AK9: variants seen among roughly 807,000 people sequenced by gnomAD.
The protein encoded by AK9 is adenylate kinase 9, also known as adenylate kinase domain containing 1.
A neutral mutation model predicts 239.6 loss-of-function variants in AK9; 191 were observed. The ratio of observed to expected loss-of-function variants is 0.80; its 90% CI spans 0.71 to 0.90. AK9 has a LOEUF of 0.90. AK9 is among the 40% of genes least tolerant of loss of function. AK9 has a pLI of 0.00. For missense variants in AK9, 1,995 were observed against 2,214.7 expected (o/e 0.90, Z 1.99); for synonymous variants, 689 against 721.0 (o/e 0.96, Z 0.71).
At chr6:109,541,235 G>C (rs866624370) in intron 27 of AK9, among the ~76,000 whole-genome samples, 1 of 152,098 alleles carries the variant, frequency 6.6e-6, no homozygotes, top group Non-Finnish European at 1.5e-5. Context: ...AAAAAATAGA[G>C]AAAGGCCTTA....
chr6:109,601,221 T>C (rs1791907066), intron 17 of AK9, among the ~76,000 whole-genome samples: 1 of 152,236 alleles, frequency 6.6e-6, no homozygotes, highest in African/African-American at 2.4e-5. Context: ...TTTAGTGCTA[T>C]AAATTTCCCT....
intron 12 of AK9, 174 bp downstream of exon 12, chr6:109,632,749 A>G: frequency 3.8e-6 from 5 of 1,328,710 alleles, no homozygotes; most frequent in Non-Finnish European, 4.8e-6. Context: ...AAGAATGCCT[A>G]CCCTACCCCA....
rs60869272 is a variant in AK9, at chr6:109,572,812, C to T, written c.2344+630G>A. On this transcript the variant is annotated intron_variant, in intron 21 of 40. Transcript: ENST00000424296. The stretch of plus-strand genomic sequence containing the variant: ...TCTGCTTGAAAGCATTTGCAAGCCT[C>T]ATTCCCACCACAGGTGGGTACCCTA... Among the ~76,000 whole-genome samples the T allele has an allele frequency of 7.9e-3, 1,203 of 152,222 alleles. 25 individuals carry two copies. The highest frequency in any genetic ancestry group is 0.026 in the African/African-American group (1,067 of 41,534).
chr6:109,499,327 C>T (rs1482710824), intron 35 of AK9, 87 bp from the exon 36 acceptor site: 5 of 1,011,312 alleles, frequency 4.9e-6, no homozygotes, highest in African/African-American at 1.7e-5. Context: ...TTTAATTACA[C>T]AGCACTATAC....
At chr6:109,667,290 C>A (rs1252226977) in intron 5 of AK9, among the ~76,000 whole-genome samples, 1 of 125,416 alleles carries the variant, frequency 8.0e-6, no homozygotes, top group Non-Finnish European at 1.7e-5. Flanking sequence ...ACCCAGCCCC[C>A]CACTCAAGTT....
At chr6:109,540,318 C>A (rs1022525564) in intron 27 of AK9, among the ~76,000 whole-genome samples, 1 of 152,216 alleles carries the variant, frequency 6.6e-6, no homozygotes, top group Admixed American at 6.5e-5. Flanking sequence ...GCCCCTCCCC[C>A]AGCCTCGCTG....
chr6:109,657,803 A>T (rs951799769), intron 7 of AK9, among the ~76,000 whole-genome samples: 1 of 152,060 alleles, frequency 6.6e-6, no homozygotes, highest in Non-Finnish European at 1.5e-5. Context: ...TGTGCCACAC[A>T]AGTTTCTAGA....
chr6:109,589,987 T>C lies in AK9; in HGVS notation c.1843-3915A>G, dbSNP rs556195719. 3.9e-4 allele frequency among the ~76,000 whole-genome samples: 60 copies of C among 152,322 alleles called. 2 individuals are homozygous for C. In the South Asian group the frequency reaches 0.011, roughly 27 times the overall value. On this transcript the variant is annotated intron_variant, in intron 17 of 40. Coordinates refer to ENST00000424296, the MANE Select transcript of AK9 (RefSeq NM_001145128.3). ...GTTTGCTAGTATTTTTTTGAGGACA[T>C]CTGCATCTATGTTCATCAGGAATAA...
At chr6:109,556,042 C>T (rs1302658924) in intron 24 of AK9, among the ~76,000 whole-genome samples, 1 of 152,134 alleles carries the variant, frequency 6.6e-6, no homozygotes, top group Non-Finnish European at 1.5e-5. Context: ...GACTCTGATC[C>T]TGTCATCATG....
intron 35 of AK9, among the ~76,000 whole-genome samples, chr6:109,505,506 G>A (rs909763403): frequency 6.6e-6 from 1 of 152,136 alleles, no homozygotes; most frequent in African/African-American, 2.4e-5. Context: ...ACATTTTAAT[G>A]AACAAGCTTA....
rs138426715 is a variant in AK9 at position 109,554,728 on chromosome 6, C to T, written c.2752-4426G>A. On this transcript the variant is annotated intron_variant, in intron 24 of 40. Coordinates refer to ENST00000424296, the MANE Select transcript of AK9 (RefSeq NM_001145128.3). ...TGTATTTTTAGTACAGACAGGGTTT[C>T]GCTATGTTAGCCAGGCTTGTCTCGA... Among the ~76,000 whole-genome samples, 1,185 of 152,030 alleles carry T rather than the reference C, an allele frequency of 7.8e-3. 17 individuals are homozygous for T. Among genetic ancestry groups the T allele is most frequent in the African/African-American group, 0.027 (1,100 of 41,466 alleles).
chr6:109,665,058 G>A (rs1454846105), intron 5 of AK9, among the ~76,000 whole-genome samples: 5 of 151,930 alleles, frequency 3.3e-5, no homozygotes, highest in African/African-American at 1.2e-4. Flanking sequence ...TAAAGAAGAA[G>A]AAGACCAAGA....
Position 109,533,448 on chromosome 6 carries a change from C to A in AK9, c.3373G>T (p.Gly1125Cys), listed in dbSNP as rs1232327192. The A allele has an allele frequency of 7.5e-6, 12 of 1,596,938 alleles. 1 individual carries two copies. The highest frequency in any genetic ancestry group is 1.0e-5 in the Non-Finnish European group (12 of 1,174,728). The change falls in exon 28 of 41, where the codon GGT (glycine) becomes TGT (cysteine). Residue 1125 changes from glycine (G) to cysteine (C), a missense_variant. By Grantham distance (159) the Gly-to-Cys change is radical. Coordinates refer to ENST00000424296, the MANE Select transcript of AK9 (RefSeq NM_001145128.3). Reference sequence around the variant, plus strand: ...GCCTCTTCTGGATATCGTGGGAAACCATCTAATATAAAACCTGTGGAACTG... The same window carrying A: ...GCCTCTTCTGGATATCGTGGGAAACAATCTAATATAAAACCTGTGGAACTG... ...PIRSTGFILDGFPRYPEEAQF... is the reference protein window; with the variant it reads ...PIRSTGFILDCFPRYPEEAQF...
At chr6:109,666,763 C>T (rs898043975) in intron 5 of AK9, among the ~76,000 whole-genome samples, 4 of 152,214 alleles carry the variant, frequency 2.6e-5, no homozygotes, top group Non-Finnish European at 4.4e-5. Context: ...TTGTGTTCAG[C>T]CATCCCTGCT....
At chr6:109,659,497 T>A in intron 6 of AK9, 84 bp from the exon 7 acceptor site, 2 of 1,437,376 alleles carry the variant, frequency 1.4e-6, no homozygotes, top group Admixed American at 5.8e-5. Context: ...TATTGTACAG[T>A]ACATAAACCA....
Position 109,545,877 on chromosome 6 carries a change from G to A in AK9, c.3215C>T (p.Thr1072Ile). The A allele has an allele frequency of 6.3e-7, 1 of 1,586,438 alleles. No individual in the cohort carries two copies. Among genetic ancestry groups the A allele is most frequent in the Non-Finnish European group, 8.5e-7 (1 of 1,172,094 alleles). The stretch of plus-strand genomic sequence containing the variant: ...AAAAGAGATTACTACCTGCTTTTTT[G>A]TATTTTCTTCCTCAACTTTGACATT... ...QANVKVEEEN[T>I]KKQLPEVQLT... is the part of the protein sequence containing the mutation. Residue 1072 changes from threonine (T) to isoleucine (I), a missense_variant, in exon 26 of 41, where the codon ACA becomes ATA. Physicochemically the swap from Thr to Ile is moderately conservative, Grantham distance 89 (BLOSUM62 -1). Transcript: ENST00000424296.
At chr6:109,652,576 AATTT>A (rs1432411703) in intron 8 of AK9, among the ~76,000 whole-genome samples, 2 of 152,216 alleles carry the variant, frequency 1.3e-5, no homozygotes, top group Non-Finnish European at 2.9e-5. Context: ...GATATAGCAT[AATTT>A]ATTTCATATT....
At chr6:109,533,899 T>C (rs1417874039) in intron 27 of AK9, among the ~76,000 whole-genome samples, 1 of 152,126 alleles carries the variant, frequency 6.6e-6, no homozygotes, top group Non-Finnish European at 1.5e-5. Flanking sequence ...ATAAGTTCTC[T>C]GTTTGGGAGC....
At chr6:109,689,981 G>C (rs1774091483) in intron 1 of AK9, among the ~76,000 whole-genome samples, 1 of 152,152 alleles carries the variant, frequency 6.6e-6, no homozygotes, top group South Asian at 2.1e-4. Flanking sequence ...TTAATAAAAG[G>C]AGTACCAAAC....
Sources: allele counts gnomAD v4.1 joint callset (sites outside exome capture counted in the v4.1 genomes callset), GRCh38; gene constraint gnomAD v4.1.1; transcripts MANE v1.5; gene names NCBI Gene and HGNC (gene_info 2026-07-23, HGNC 2026-07-21).